FER1L6: variants seen among roughly 807,000 people sequenced by gnomAD.
The protein encoded by FER1L6 is fer-1-like protein 6.
Under a neutral mutation model 219.2 loss-of-function variants are expected in FER1L6, and 177 were observed. The observed-to-expected ratio is 0.81, with a 90% CI of 0.71 to 0.91. The LOEUF is 0.91. Ranked by LOEUF, FER1L6 falls within the 40% of genes least tolerant of loss-of-function variation. FER1L6 has a pLI of 0.00. For synonymous variants in FER1L6, 768 were observed against 824.3 expected (o/e 0.93, Z 1.17); for missense variants, 2,153 against 2,259.9 (o/e 0.95, Z 0.96).
At chr8:123,919,477 G>T (rs960256366) in intron 1 of FER1L6, among the ~76,000 whole-genome samples, 3 of 152,162 alleles carry the variant, frequency 2.0e-5, no homozygotes, top group African/African-American at 4.8e-5. Context: ...GGCAATACAG[G>T]TGCCCCTCAG....
intron 38 of FER1L6, among the ~76,000 whole-genome samples, chr8:124,102,392 G>GT (rs1822583228): frequency 6.6e-6 from 1 of 152,168 alleles, no homozygotes; most frequent in Non-Finnish European, 1.5e-5. Flanking sequence ...TCTCATTTCT[G>GT]TAAACTACGT....
intron 33 of FER1L6, among the ~76,000 whole-genome samples, chr8:124,084,888 GCTTTT>G (rs1821719367): frequency 6.6e-6 from 1 of 151,966 alleles, no homozygotes; most frequent in African/African-American, 2.4e-5. Context: ...TGGATCCTGG[GCTTTT>G]CTTTGCTAGG....
chr8:123,903,070 GT>G (rs1166911096), intron 1 of FER1L6, among the ~76,000 whole-genome samples: 2 of 151,536 alleles, frequency 1.3e-5, no homozygotes, highest in Non-Finnish European at 2.9e-5. Flanking sequence ...TTAGTAATTT[GT>G]TTTTTTTAAA....
At chr8:124,003,555 T>C (rs1269001259) in intron 13 of FER1L6, among the ~76,000 whole-genome samples, 4 of 142,206 alleles carry the variant, frequency 2.8e-5, no homozygotes, top group African/African-American at 1.0e-4. Flanking sequence ...CTGCAACCTC[T>C]GCCTCGTGGG....
chr8:124,055,642 G>A (rs966161146), intron 22 of FER1L6, among the ~76,000 whole-genome samples: 1 of 151,980 alleles, frequency 6.6e-6, no homozygotes, highest in African/African-American at 2.4e-5. Context: ...TCTGCTGCTT[G>A]AATGTTGTCC....
At chr8:124,065,795 T>C (rs1159842827) in intron 26 of FER1L6, among the ~76,000 whole-genome samples, 2 of 152,232 alleles carry the variant, frequency 1.3e-5, no homozygotes, top group African/African-American at 2.4e-5. Flanking sequence ...TGATGAGTGC[T>C]GCATCCATAG....
At chr8:123,969,712 A>C (rs1304519847) in intron 5 of FER1L6, among the ~76,000 whole-genome samples, 1 of 152,034 alleles carries the variant, frequency 6.6e-6, no homozygotes, top group Non-Finnish European at 1.5e-5. Context: ...AATTTAAAAA[A>C]AAAATTATCC....
chr8:123,878,450 A>G (rs1402295101), intron 1 of FER1L6, among the ~76,000 whole-genome samples: 1 of 152,116 alleles, frequency 6.6e-6, no homozygotes, highest in East Asian at 1.9e-4. Context: ...CGTACCCATC[A>G]CCTCTCAGGG....
At chr8:124,092,150 C>T (rs1275850709) in intron 34 of FER1L6, among the ~76,000 whole-genome samples, 1 of 150,096 alleles carries the variant, frequency 6.7e-6, no homozygotes, top group Non-Finnish European at 1.5e-5. Flanking sequence ...TATAAATAAA[C>T]ACAGAGTTTT....
chr8:123,930,624 A>G (rs11993828), intron 1 of FER1L6, among the ~76,000 whole-genome samples: 30,701 of 151,910 alleles, frequency 0.2, 3,877 homozygotes, highest in East Asian at 0.44. Context: ...TTCAAATTCC[A>G]TTTCTACCAC....
At chr8:123,926,830 G>C (rs1586474475) in intron 1 of FER1L6, among the ~76,000 whole-genome samples, 1 of 151,940 alleles carries the variant, frequency 6.6e-6, no homozygotes, top group Non-Finnish European at 1.5e-5. Flanking sequence ...ATTTGCTATA[G>C]AAATATTACA....
chr8:123,971,497 T>C (rs1586535792), intron 6 of FER1L6, among the ~76,000 whole-genome samples: 1 of 152,338 alleles, frequency 6.6e-6, no homozygotes, highest in Middle Eastern at 3.4e-3. Flanking sequence ...TATTGTGCCA[T>C]AGACCAGGGT....
intron 1 of FER1L6, among the ~76,000 whole-genome samples, chr8:123,945,377 G>A (rs1310545209): frequency 6.6e-6 from 1 of 152,184 alleles, no homozygotes; most frequent in Non-Finnish European, 1.5e-5. Context: ...AGGGAGAGAA[G>A]GTTTGATGGG....
intron 1 of FER1L6, among the ~76,000 whole-genome samples, chr8:123,903,441 G>T (rs1233668440): frequency 6.6e-6 from 1 of 152,178 alleles, no homozygotes; most frequent in Non-Finnish European, 1.5e-5. Context: ...TGATGAATCT[G>T]ATTTTTCTGA....
chr8:123,852,150 C>G lies in FER1L6; in HGVS notation c.-43C>G, dbSNP rs1052027049. On this transcript the variant is annotated 5_prime_UTR_variant, in exon 1 of 41. Transcript: ENST00000522917. The surrounding 1 kb of genome is among the most constrained non-coding windows in gnomAD (Gnocchi z 4.9). ...AGTGAGTCCCTTGATCAGAGCAATGCTGTGTGGACCATCGTGAAGGTGGAC... is the reference window on the plus strand; with the variant it reads ...AGTGAGTCCCTTGATCAGAGCAATGGTGTGTGGACCATCGTGAAGGTGGAC... The G allele has an allele frequency of 4.6e-5, 7 of 152,244 alleles. No homozygotes were observed. Among genetic ancestry groups the G allele is most frequent in the African/African-American group, 1.7e-4 (7 of 41,456 alleles). The allele number at this position is 152,244 out of a possible 1,614,324, so 9.4% of individuals were successfully genotyped here.
rs1812594019 is a variant in FER1L6, at chr8:123,889,291, A to G, written c.-8+37106A>G. ...AGGTTATAAAACAGATAACAAGGAAATGATGTGTAAATAGATAAACTGCTA... is the reference window on the plus strand; with the variant it reads ...AGGTTATAAAACAGATAACAAGGAAGTGATGTGTAAATAGATAAACTGCTA... On this transcript the variant is annotated intron_variant, in intron 1 of 40. Transcript: ENST00000522917. Among the ~76,000 whole-genome samples the G allele has an allele frequency of 2.6e-5, 4 of 152,228 alleles. No individual in the cohort carries two copies. In the South Asian group the frequency reaches 8.3e-4, roughly 31 times the overall value.
At chr8:123,915,019 A>G (rs1262906496) in intron 1 of FER1L6, among the ~76,000 whole-genome samples, 1 of 151,188 alleles carries the variant, frequency 6.6e-6, no homozygotes, top group African/African-American at 2.4e-5. Context: ...GAACTGAACT[A>G]TAAAAGGTAT....
intron 3 of FER1L6, among the ~76,000 whole-genome samples, chr8:123,965,439 C>T (rs1311228955): frequency 6.6e-6 from 1 of 152,234 alleles, no homozygotes; most frequent in Non-Finnish European, 1.5e-5. Flanking sequence ...AGGTGTTGCA[C>T]ATGTTTTCAA....
chr8:123,965,563 A>T (rs1815499417), intron 3 of FER1L6, among the ~76,000 whole-genome samples: 1 of 152,254 alleles, frequency 6.6e-6, no homozygotes, highest in African/African-American at 2.4e-5. Context: ...CAAAGCAATT[A>T]TGATTATATC....
Sources: gnomAD v4.1 joint callset for allele counts (sites outside exome capture counted in the v4.1 genomes callset) on GRCh38, gnomAD v4.1.1 for gene constraint, Gnocchi (gnomAD v3.1) non-coding constraint, MANE v1.5 for transcripts, NCBI Gene and HGNC (gene_info 2026-07-23, HGNC 2026-07-21) for gene names.